The following DEPDC4 variants were observed in gnomAD, a reference collection of about 807,000 sequenced individuals.
DEPDC4 encodes DEP domain-containing protein 4.
A neutral mutation model predicts 52.0 loss-of-function variants in DEPDC4; 52 were observed. That is an observed-to-expected ratio of 1.00 (90% CI 0.80 to 1.26). DEPDC4 has a LOEUF of 1.26. Among genes scored for constraint, DEPDC4 ranks in the 50% most tolerant of loss-of-function variants. The pLI is 0.00. For synonymous variants in DEPDC4, 201 were observed against 196.8 expected (o/e 1.02, Z -0.18); for missense variants, 530 against 546.9 (o/e 0.97, Z 0.31).
chr12:100,235,731 C>T (rs1161545284), downstream of DEPDC4, among the ~76,000 whole-genome samples: 2 of 152,200 alleles, frequency 1.3e-5, no homozygotes, highest in South Asian at 4.1e-4. Context: ...CCCGCCACTG[C>T]GCCTGGCTAA....
downstream of DEPDC4, among the ~76,000 whole-genome samples, chr12:100,236,726 T>A (rs1178995812): frequency 1.3e-5 from 2 of 152,176 alleles, no homozygotes; most frequent in Non-Finnish European, 2.9e-5. Context: ...TTGTATTTGC[T>A]TTTGGGTTCT....
At position 100,252,157 on chromosome 12, in the gene DEPDC4, G is replaced by T. The variant is rs1312617788; in HGVS notation, c.1374+19C>A. The T allele has an allele frequency of 2.6e-6, 3 of 1,156,324 alleles. No individual in the cohort carries two copies. In the African/African-American group the frequency reaches 4.9e-5, roughly 19 times the overall value. The allele number at this position is 1,156,324 out of a possible 1,614,324, so 71.6% of individuals were successfully genotyped here. The stretch of plus-strand genomic sequence containing the variant: ...AGTAGCTTAGTAATAAATGTGCCCA[G>T]GCAAAATGCCAGAGATACCTTGAAG... On this transcript the variant is annotated intron_variant, in intron 7 of 9. Transcript: ENST00000550587.
At chr12:100,251,671 G>A (rs11613069) in intron 7 of DEPDC4, among the ~76,000 whole-genome samples, 2,150 of 152,020 alleles carry the variant, frequency 0.014, 17 homozygotes, top group Non-Finnish European at 0.021. Flanking sequence ...AGGTTCAAGC[G>A]ATTCTCCTGC....
chr12:100,271,278 AAAAAG>A (rs1423543707), upstream of DEPDC4, among the ~76,000 whole-genome samples: 1 of 151,044 alleles, frequency 6.6e-6, no homozygotes, highest in Non-Finnish European at 1.5e-5. Context: ...AAAAAAAAAA[AAAAAG>A]AGAGAGAGAA....
intron 3 of DEPDC4, chr12:100,257,547 GTATTT>G (rs754446961): frequency 6.6e-6 from 1 of 152,124 alleles, no homozygotes; most frequent in Non-Finnish European, 1.5e-5. Flanking sequence ...AGCTAATTTT[GTATTT>G]TTAGTAGAGA....
intron 1 of DEPDC4, 43 bp from the exon 2 acceptor site, chr12:100,263,936 A>G (rs1193855060): frequency 6.5e-7 from 1 of 1,539,832 alleles, no homozygotes; most frequent in Non-Finnish European, 8.7e-7. Context: ...TCTAGATTAT[A>G]CAAAAATATG....
chr12:100,273,596 A>G, the DEPDC4 span, among the ~76,000 whole-genome samples: 1 of 152,184 alleles, frequency 6.6e-6, no homozygotes, highest in Non-Finnish European at 1.5e-5. Flanking sequence ...TGGATGATGG[A>G]TAGCATCTCA....
chr12:100,272,954 T>C, the DEPDC4 span, among the ~76,000 whole-genome samples: 1 of 152,218 alleles, frequency 6.6e-6, no homozygotes, highest in South Asian at 2.1e-4. Flanking sequence ...ATCTCTTCTC[T>C]ATCTTCCTTG....
At chr12:100,281,411 G>T in the DEPDC4 span, among the ~76,000 whole-genome samples, 1 of 152,060 alleles carries the variant, frequency 6.6e-6, no homozygotes, top group Non-Finnish European at 1.5e-5. Flanking sequence ...TTTGGGCTAG[G>T]TGTGGTGGCT....
At chr12:100,262,980 C>G (rs2096258917) in intron 2 of DEPDC4, among the ~76,000 whole-genome samples, 1 of 152,040 alleles carries the variant, frequency 6.6e-6, no homozygotes, top group African/African-American at 2.4e-5. Context: ...TTTTTTGAGA[C>G]AGATTCTTGC....
the DEPDC4 span, among the ~76,000 whole-genome samples, chr12:100,281,028 T>TG: frequency 7.9e-6 from 1 of 126,980 alleles, no homozygotes; most frequent in Non-Finnish European, 1.6e-5. Flanking sequence ...TGTTTTTTTT[T>TG]TTTTTTTTTT....
At chr12:100,242,916 C>T (rs956474470) in intron 8 of DEPDC4, among the ~76,000 whole-genome samples, 1 of 152,214 alleles carries the variant, frequency 6.6e-6, no homozygotes, top group African/African-American at 2.4e-5. Context: ...ACTGTGTCCA[C>T]TCCAACATTC....
chr12:100,279,368 C>G, the DEPDC4 span, among the ~76,000 whole-genome samples: 1 of 152,248 alleles, frequency 6.6e-6, no homozygotes, highest in East Asian at 1.9e-4. Context: ...TACCGCTCAC[C>G]TCCTGCTCTG....
At chr12:100,259,866 T>C (rs1315639113) in intron 3 of DEPDC4, among the ~76,000 whole-genome samples, 1 of 152,156 alleles carries the variant, frequency 6.6e-6, no homozygotes, top group Non-Finnish European at 1.5e-5. Context: ...ACGGTTACGT[T>C]ATGTGCCTAT....
At chr12:100,261,863 T>A in intron 3 of DEPDC4, 1 of 449,050 alleles carries the variant, frequency 2.2e-6, no homozygotes, top group Non-Finnish European at 4.5e-6. Flanking sequence ...ATATTAGTGG[T>A]TGCCTAAGGT....
intron 8 of DEPDC4, among the ~76,000 whole-genome samples, chr12:100,244,156 A>G (rs1364367256): frequency 7.3e-6 from 1 of 137,050 alleles, no homozygotes; most frequent in Admixed American, 7.5e-5. Context: ...AATAAAATAC[A>G]ATTTTATTTT....
upstream of DEPDC4, among the ~76,000 whole-genome samples, chr12:100,269,278 A>G (rs1374039225): frequency 6.6e-6 from 1 of 151,780 alleles, no homozygotes. Context: ...TGCTTCAAGT[A>G]TGTGGCTTTG....
At chr12:100,251,242 T>A (rs905741310) in intron 7 of DEPDC4, among the ~76,000 whole-genome samples, 1 of 152,074 alleles carries the variant, frequency 6.6e-6, no homozygotes, top group African/African-American at 2.4e-5. Flanking sequence ...GCTAGACACA[T>A]TTTTAAGCCA....
At chr12:100,237,654 G>A (rs1217027818), downstream of DEPDC4, 3 of 152,156 alleles carry the variant, frequency 2.0e-5, no homozygotes, top group Non-Finnish European at 4.4e-5. Flanking sequence ...ATGGACAGAT[G>A]ACTGTTATCC....
Sources: allele counts gnomAD v4.1 joint callset (sites outside exome capture counted in the v4.1 genomes callset), GRCh38; gene constraint gnomAD v4.1.1; transcripts MANE v1.5; gene names NCBI Gene and HGNC (gene_info 2026-07-23, HGNC 2026-07-21).